NOVA1: variants seen among roughly 807,000 people sequenced by gnomAD.
NOVA1 encodes the protein NOVA alternative splicing regulator 1.
Under a neutral mutation model 38.0 loss-of-function variants are expected in NOVA1, and 7 were observed. That is an observed-to-expected ratio of 0.18 (90% confidence interval 0.10 to 0.35). The LOEUF (loss-of-function observed/expected upper bound fraction) is 0.35, where lower values mean the gene tolerates loss of function less well. Ranked by LOEUF, NOVA1 falls within the 10% of genes least tolerant of loss-of-function variation. NOVA1 has a pLI of 1.00. For synonymous variants in NOVA1, 270 were observed against 232.5 expected (o/e 1.16, Z -1.47); for missense variants, 460 against 616.0 (o/e 0.75, Z 2.68).
chr14:26,502,046 A>G (rs1052259976), intron 2 of NOVA1, among the ~76,000 whole-genome samples: 1 of 151,826 alleles, frequency 6.6e-6, no homozygotes, highest in Non-Finnish European at 1.5e-5. Context: ...TAAGAGAAAC[A>G]GAATCAACTA....
chr14:26,558,996 A>G (rs1213104455), intron 2 of NOVA1, among the ~76,000 whole-genome samples: 1 of 152,098 alleles, frequency 6.6e-6, no homozygotes, highest in Non-Finnish European at 1.5e-5. Flanking sequence ...TGGATGCAAA[A>G]GAAAACTTAT....
At chr14:26,510,880 C>T (rs1888031134) in intron 2 of NOVA1, among the ~76,000 whole-genome samples, 1 of 152,006 alleles carries the variant, frequency 6.6e-6, no homozygotes, top group Admixed American at 6.6e-5. Context: ...TTAAAATTAA[C>T]ATAATATTCA....
At chr14:26,547,903 G>A (rs936758283) in intron 2 of NOVA1, among the ~76,000 whole-genome samples, 1 of 152,036 alleles carries the variant, frequency 6.6e-6, no homozygotes, top group Non-Finnish European at 1.5e-5. Context: ...TGCAAGTAAA[G>A]AGGGTAAGCC....
chr14:26,596,485 T>A, intron 1 of NOVA1: 1 of 1,215,988 alleles, frequency 8.2e-7, no homozygotes, highest in South Asian at 1.3e-5. Context: ...TCCAGCTTTC[T>A]TAATGTGAAT....
intron 2 of NOVA1, among the ~76,000 whole-genome samples, chr14:26,489,378 T>C (rs2138344242): frequency 6.6e-6 from 1 of 152,170 alleles, no homozygotes; most frequent in African/African-American, 2.4e-5. Flanking sequence ...ATGCACTATA[T>C]CAAATAAATG....
intron 2 of NOVA1, among the ~76,000 whole-genome samples, chr14:26,519,876 A>G (rs1433475285): frequency 6.6e-6 from 1 of 152,124 alleles, no homozygotes; most frequent in Non-Finnish European, 1.5e-5. Context: ...GATCACAGAA[A>G]AAAGTTATGT....
intron 2 of NOVA1, among the ~76,000 whole-genome samples, chr14:26,577,744 G>C (rs552243650): frequency 1.3e-5 from 2 of 152,210 alleles, no homozygotes; most frequent in South Asian, 4.1e-4. Context: ...AGAAGACTGA[G>C]AGAAGTTGAT....
At chr14:26,557,996 GAAAA>G (rs529682143) in intron 2 of NOVA1, among the ~76,000 whole-genome samples, 1 of 126,914 alleles carries the variant, frequency 7.9e-6, no homozygotes. Flanking sequence ...CTTGTTAAAT[GAAAA>G]AAAAAAAAAG....
rs571239647 is a variant in NOVA1 at position 26,597,572 on chromosome 14, A to G, written c.-136T>C. On this transcript the variant is annotated 5_prime_UTR_variant, in exon 1 of 5. Transcript: ENST00000539517. ...AGGTTTTTTTTTTTTAATCGGATCA[A>G]TATAAATCTCTTTAGGAAAAAAAGC... The G allele has an allele frequency of 2.5e-4, 305 of 1,204,830 alleles. 1 individual carries two copies. The highest frequency in any genetic ancestry group is 2.4e-4 in the Non-Finnish European group (234 of 979,702). The allele number at this position is 1,204,830 out of a possible 1,614,324, so 74.6% of individuals were successfully genotyped here. A position where few individuals can be genotyped will look rare whatever the true frequency, so the allele number is the denominator to read the frequency against.
At chr14:26,567,228 T>A (rs986429818) in intron 2 of NOVA1, among the ~76,000 whole-genome samples, 1 of 151,896 alleles carries the variant, frequency 6.6e-6, no homozygotes, top group African/African-American at 2.4e-5. Context: ...AAAAACTGCC[T>A]TCAGAAAAAT....
intron 2 of NOVA1, among the ~76,000 whole-genome samples, chr14:26,483,052 T>G (rs543664004): frequency 4.6e-5 from 7 of 152,136 alleles, no homozygotes; most frequent in Non-Finnish European, 1.0e-4. Flanking sequence ...AAAAGTATAA[T>G]AAGAAGGGGC....
At chr14:26,505,846 G>A (rs970512923) in intron 2 of NOVA1, among the ~76,000 whole-genome samples, 1 of 152,048 alleles carries the variant, frequency 6.6e-6, no homozygotes, top group African/African-American at 2.4e-5. Context: ...AAAACATAGT[G>A]TTTGAAATAT....
chr14:26,477,987 CATT>C (rs1336273038), intron 3 of NOVA1, among the ~76,000 whole-genome samples: 2 of 151,932 alleles, frequency 1.3e-5, no homozygotes, highest in African/African-American at 4.8e-5. Flanking sequence ...CTGTCACATA[CATT>C]ATTGATTACA....
intron 2 of NOVA1, among the ~76,000 whole-genome samples, chr14:26,582,427 A>C (rs1893279089): frequency 2.0e-5 from 3 of 151,862 alleles, no homozygotes; most frequent in Admixed American, 1.3e-4. Flanking sequence ...AAAGTTGAGC[A>C]TTCTGTCATA....
intron 2 of NOVA1, among the ~76,000 whole-genome samples, chr14:26,497,720 A>G (rs1243464873): frequency 6.6e-6 from 1 of 152,194 alleles, no homozygotes; most frequent in Non-Finnish European, 1.5e-5. Context: ...ATGGAAAAAG[A>G]TTCAAATGAA....
intron 2 of NOVA1, among the ~76,000 whole-genome samples, chr14:26,532,797 C>T (rs773795465): frequency 2.0e-5 from 3 of 152,102 alleles, no homozygotes; most frequent in Admixed American, 6.5e-5. Context: ...TGAGAAACAA[C>T]TTCAAACAAA....
intron 2 of NOVA1, among the ~76,000 whole-genome samples, chr14:26,493,895 C>T (rs1172688530): frequency 6.6e-6 from 1 of 152,126 alleles, no homozygotes; most frequent in African/African-American, 2.4e-5. Context: ...TACCCCTGCT[C>T]CTCCCCCATC....
At chr14:26,557,676 T>C (rs138276337) in intron 2 of NOVA1, among the ~76,000 whole-genome samples, 2 of 152,068 alleles carry the variant, frequency 1.3e-5, no homozygotes, top group African/African-American at 4.8e-5. Flanking sequence ...CTCAGCCCAC[T>C]ACAGCCATTT....
At position 26,543,832 on chromosome 14, in the gene NOVA1, A is replaced by C. The variant is rs557455502; in HGVS notation, c.280+51578T>G. Among the ~76,000 whole-genome samples, 3 of 152,150 alleles carry C rather than the reference A, an allele frequency of 2.0e-5. No homozygotes were observed. The South Asian group carries it at 6.2e-4, about 32-fold the overall frequency. ...TGTACTAGAAATGAGGTGACAGATC[A>C]TCTAGGCTACAGTTGGTAAGAATGT... On this transcript the variant is annotated intron_variant, in intron 2 of 4. Coordinates refer to ENST00000539517, the MANE Select transcript of NOVA1 (RefSeq NM_002515.3).
Sources: allele counts gnomAD v4.1 joint callset (sites outside exome capture counted in the v4.1 genomes callset), GRCh38; gene constraint gnomAD v4.1.1; transcripts MANE v1.5; gene names NCBI Gene and HGNC (gene_info 2026-07-23, HGNC 2026-07-21).